FBXW4: variants seen among roughly 807,000 people sequenced by gnomAD.
FBXW4 encodes F-box/WD repeat-containing protein 4.
FBXW4 carries 40 observed loss-of-function variants against 61.8 expected under a neutral mutation model. The ratio of observed to expected loss-of-function variants is 0.65; its 90% CI spans 0.50 to 0.84. The LOEUF is 0.84. Among genes scored for constraint, FBXW4 ranks in the 40% least tolerant of loss-of-function variants. FBXW4 has a pLI of 0.00. For missense variants in FBXW4, 672 were observed against 753.8 expected, an observed-to-expected ratio of 0.89 and a Z score of 1.27; for synonymous variants, 311 against 313.8, an observed-to-expected ratio of 0.99 and a Z score of 0.10.
rs573641976 is a variant in FBXW4 at position 101,690,819 on chromosome 10, C to T, written c.725+3562G>A. Among the ~76,000 whole-genome samples the T allele has an allele frequency of 1.2e-3, 182 of 152,272 alleles. 1 individual carries two copies. The highest frequency in any genetic ancestry group is 4.0e-3 in the African/African-American group (166 of 41,552). ...AAACATTCAGGACAGGTGAGAGAAA[C>T]GAAGCACAGTGCGTGTGTGTGCGTG... On this transcript the variant is annotated intron_variant, in intron 1 of 8. Transcript: ENST00000331272.
intron 6 of FBXW4, among the ~76,000 whole-genome samples, chr10:101,614,838 A>T (rs1017927032): frequency 6.6e-6 from 1 of 152,194 alleles, no homozygotes; most frequent in Admixed American, 6.5e-5. Flanking sequence ...GCAGTGCCAC[A>T]GGAGCCCTGC....
chr10:101,690,718 T>C (rs1390132511), intron 1 of FBXW4, among the ~76,000 whole-genome samples: 1 of 152,226 alleles, frequency 6.6e-6, no homozygotes, highest in East Asian at 1.9e-4. Flanking sequence ...TAGCAGTTTG[T>C]GTTTCTGAGA....
intron 2 of FBXW4, among the ~76,000 whole-genome samples, chr10:101,675,983 G>T (rs913059423): frequency 7.2e-5 from 11 of 152,132 alleles, no homozygotes; most frequent in Non-Finnish European, 1.5e-5. Flanking sequence ...AAGATGAATT[G>T]AAACCTTGAT....
In FBXW4 at chr10:101,670,888, T is replaced by G. The variant is rs534013801; in HGVS notation, c.1140+2027A>C. On this transcript the variant is annotated intron_variant, in intron 4 of 8. Coordinates refer to ENST00000331272, the MANE Select transcript of FBXW4 (RefSeq NM_022039.4). ...TGGGGAGGGGAAGGAAGAGGGTTCT[T>G]TGGACAGTCCCTAGCTCAGAAGTCT... Among the ~76,000 whole-genome samples the G allele has an allele frequency of 2.6e-5, 4 of 152,326 alleles. No homozygotes were observed. In the East Asian group the frequency reaches 7.7e-4, roughly 29 times the overall value.
intron 5 of FBXW4, among the ~76,000 whole-genome samples, chr10:101,638,802 T>C (rs1456296629): frequency 6.6e-6 from 1 of 152,242 alleles, no homozygotes; most frequent in Non-Finnish European, 1.5e-5. Flanking sequence ...TTTACCTCGA[T>C]GGCTTTCTGA....
intron 5 of FBXW4, among the ~76,000 whole-genome samples, chr10:101,663,531 C>A (rs948884707): frequency 6.6e-6 from 1 of 152,140 alleles, no homozygotes; most frequent in Non-Finnish European, 1.5e-5. Context: ...GCTGCTCACA[C>A]CTGTAATCTC....
At chr10:101,621,843 C>G (rs1217353354) in intron 6 of FBXW4, among the ~76,000 whole-genome samples, 2 of 152,062 alleles carry the variant, frequency 1.3e-5, no homozygotes, top group East Asian at 3.8e-4. Flanking sequence ...GAAGAGGAGG[C>G]CCTGGAAGAG....
At chr10:101,654,250 G>A (rs1343281304) in intron 5 of FBXW4, among the ~76,000 whole-genome samples, 1 of 151,976 alleles carries the variant, frequency 6.6e-6, no homozygotes, top group African/African-American at 2.4e-5. Flanking sequence ...GCAAATGTAA[G>A]GGAAGATCTT....
At chr10:101,644,519 G>A (rs2064080146) in intron 5 of FBXW4, among the ~76,000 whole-genome samples, 1 of 152,186 alleles carries the variant, frequency 6.6e-6, no homozygotes, top group Non-Finnish European at 1.5e-5. Context: ...AGCAGCCATG[G>A]GCCAAGGGAG....
intron 2 of FBXW4, among the ~76,000 whole-genome samples, chr10:101,674,358 TA>T (rs1431016520): frequency 6.6e-6 from 1 of 151,852 alleles, no homozygotes; most frequent in African/African-American, 2.4e-5. Context: ...AGAAATCTTC[TA>T]GCCAAGTGAA....
intron 4 of FBXW4, among the ~76,000 whole-genome samples, 188 bp from the exon 5 acceptor site, chr10:101,668,168 C>A (rs992427605): frequency 1.3e-5 from 2 of 152,234 alleles, no homozygotes; most frequent in Non-Finnish European, 2.9e-5. Flanking sequence ...CAGATAGGCC[C>A]TAGCTCTCCA....
intron 5 of FBXW4, among the ~76,000 whole-genome samples, chr10:101,634,074 C>G (rs2063981209): frequency 6.6e-6 from 1 of 152,004 alleles, no homozygotes; most frequent in African/African-American, 2.4e-5. Context: ...GATCGCACCA[C>G]TGCACTCCAG....
intron 5 of FBXW4, among the ~76,000 whole-genome samples, chr10:101,629,805 CA>C (rs1376950363): frequency 6.6e-6 from 1 of 151,676 alleles, no homozygotes; most frequent in Admixed American, 6.6e-5. Context: ...ATGCCTGACA[CA>C]TATTGAAAAC....
At chr10:101,668,406 T>C (rs1025235353) in intron 4 of FBXW4, among the ~76,000 whole-genome samples, 2 of 152,042 alleles carry the variant, frequency 1.3e-5, no homozygotes, top group African/African-American at 4.8e-5. Context: ...GATCAAGGCA[T>C]AGTATAGGGG....
At chr10:101,660,277 A>G (rs955185083) in intron 5 of FBXW4, 23 of 951,824 alleles carry the variant, frequency 2.4e-5, no homozygotes, top group Non-Finnish European at 2.8e-5. Context: ...TGCAACACAG[A>G]TTAGGATACA....
At chr10:101,629,232 G>A (rs977999905) in intron 5 of FBXW4, among the ~76,000 whole-genome samples, 1 of 152,016 alleles carries the variant, frequency 6.6e-6, no homozygotes, top group African/African-American at 2.4e-5. Context: ...CTGAGCACAT[G>A]TTTCAAAAGC....
intron 6 of FBXW4, among the ~76,000 whole-genome samples, 186 bp downstream of exon 6, chr10:101,624,559 C>G (rs998478471): frequency 6.6e-6 from 1 of 152,228 alleles, no homozygotes. Context: ...TTATAAATTA[C>G]TTCAGCAGTC....
chr10:101,624,845 C>T (rs1378623585), intron 5 of FBXW4, 35 bp from the exon 6 acceptor site: 1 of 1,610,722 alleles, frequency 6.2e-7, no homozygotes, highest in African/African-American at 1.3e-5. Flanking sequence ...TCAGATCTGG[C>T]TTGTCAGAAC....
At chr10:101,670,967 A>G (rs2064353168) in intron 4 of FBXW4, among the ~76,000 whole-genome samples, 1 of 152,200 alleles carries the variant, frequency 6.6e-6, no homozygotes, top group Non-Finnish European at 1.5e-5. Flanking sequence ...CTCTTTCCTA[A>G]AATACAGTAC....
Sources: gnomAD v4.1 joint callset for allele counts (sites outside exome capture counted in the v4.1 genomes callset) on GRCh38, gnomAD v4.1.1 for gene constraint, MANE v1.5 for transcripts, NCBI Gene and HGNC (gene_info 2026-07-23, HGNC 2026-07-21) for gene names.